The following PITPNM2 variants were observed in gnomAD, a reference collection of about 807,000 sequenced individuals.
PITPNM2 encodes the protein membrane-associated phosphatidylinositol transfer protein 2.
PITPNM2 carries 35 observed loss-of-function variants against 132.2 expected under a neutral mutation model. That is an observed-to-expected ratio of 0.26 (90% CI 0.20 to 0.35). The LOEUF is 0.35. Among genes scored for constraint, PITPNM2 ranks in the 10% least tolerant of loss-of-function variants. The pLI is 1.00. For missense variants in PITPNM2, 1,332 were observed against 1,912.0 expected (o/e 0.70, Z 5.66); for synonymous variants, 738 against 799.2 (o/e 0.92, Z 1.29).
At position 122,999,699 on chromosome 12, in the gene PITPNM2, T is replaced by C. The variant is rs950977009; in HGVS notation, c.1224+1079A>G. On this transcript the variant is annotated intron_variant, in intron 10 of 25. Transcript: ENST00000320201. ...ACACCTGGCCTGCCCTGGGCTCTAGTTGGGGCTGAGCCCCCTGCAGCTGTA... is the reference window on the plus strand; with the variant it reads ...ACACCTGGCCTGCCCTGGGCTCTAGCTGGGGCTGAGCCCCCTGCAGCTGTA... 6.6e-5 allele frequency among the ~76,000 whole-genome samples: 10 copies of C among 152,288 alleles called. No individual in the cohort carries two copies. The East Asian group carries it at 1.9e-3, about 29-fold the overall frequency.
rs1394461710 is a variant in PITPNM2 at position 123,083,277 on chromosome 12, C to G, written c.-96+27108G>C. 3 of 152,254 alleles carry G rather than the reference C, an allele frequency of 2.0e-5. No homozygotes were observed. The highest frequency in any genetic ancestry group is 2.9e-5 in the Non-Finnish European group (2 of 68,050). The allele number at this position is 152,254 out of a possible 1,614,324, so 9.4% of individuals were successfully genotyped here. On this transcript the variant is annotated intron_variant, in intron 2 of 25. Transcript: ENST00000320201. The surrounding 1 kb of genome is among the most constrained non-coding windows in gnomAD (Gnocchi z 4.5). ...GGCAGGGATGTTGGTTGGCTGTATC[C>G]TCGGGCTGGAAGAGCACTGGCACGC... is the stretch of plus-strand genomic sequence containing the variant.
At chr12:123,020,565 G>A (rs2039625983) in intron 3 of PITPNM2, among the ~76,000 whole-genome samples, 1 of 152,228 alleles carries the variant, frequency 6.6e-6, no homozygotes, top group South Asian at 2.1e-4. Flanking sequence ...GCCCACAGGG[G>A]TGTTCTTTCC....
Position 123,000,200 on chromosome 12 carries a change from T to C in PITPNM2, c.1224+578A>G. 3.4e-6 allele frequency: 2 copies of C among 588,756 alleles called. No individual in the cohort carries two copies. The highest frequency in any genetic ancestry group is 4.2e-5 in the South Asian group (2 of 47,866). The allele number at this position is 588,756 out of a possible 1,614,324, so 36.5% of individuals were successfully genotyped here. ...GCAGGTGATGGTGGGACAGCCCAGC[T>C]CAGCCCTGGCTCCTGTCCCAGTGCA... On this transcript the variant is annotated intron_variant, in intron 10 of 25. Transcript: ENST00000320201. This position sits in a 1 kb window ranked among gnomAD's most constrained non-coding sequence, Gnocchi z 5.4.
chr12:123,066,659 A>G (rs575235491), intron 2 of PITPNM2, among the ~76,000 whole-genome samples: 2 of 152,320 alleles, frequency 1.3e-5, no homozygotes, highest in South Asian at 4.1e-4. Context: ...GAAAGTTCCT[A>G]TACTGAACAG....
Position 123,004,386 on chromosome 12 carries a change from C to T in PITPNM2, c.1048+8G>A, listed in dbSNP as rs139458755. 330 of 1,613,734 alleles carry T rather than the reference C, an allele frequency of 2.0e-4. 2 individuals carry two copies. In the African/African-American group the frequency reaches 4.1e-3, roughly 20 times the overall value. On this transcript the variant is annotated splice_region_variant and intron_variant, in intron 8 of 25. Coordinates refer to ENST00000320201, the MANE Select transcript of PITPNM2 (RefSeq NM_020845.3). The surrounding 1 kb of genome is among the most constrained non-coding windows in gnomAD (Gnocchi z 4.9). ...GGCCCCAAGGACTGCAGAGCGCTGC[C>T]TGCCTACCGTGCGCATCGAAGAACT...
chr12:123,048,911 A>T (rs2136627024), intron 2 of PITPNM2, among the ~76,000 whole-genome samples: 1 of 152,200 alleles, frequency 6.6e-6, no homozygotes, highest in East Asian at 1.9e-4. Flanking sequence ...AGACAGGAGG[A>T]TCACTGGAGA....
intron 2 of PITPNM2, among the ~76,000 whole-genome samples, chr12:123,038,179 G>A (rs2040342013): frequency 6.6e-6 from 1 of 152,254 alleles, no homozygotes; most frequent in Admixed American, 6.5e-5. Flanking sequence ...CCGTGTTTCT[G>A]CCCACAAGGA....
chr12:123,064,824 G>C lies in PITPNM2; in HGVS notation c.-95-30139C>G, dbSNP rs2041361413. On this transcript the variant is annotated intron_variant, in intron 2 of 25. Transcript: ENST00000320201. This position sits in a 1 kb window ranked among gnomAD's most constrained non-coding sequence, Gnocchi z 4.0. Reference sequence around the variant, plus strand: ...GACACAGGGAGTGACTAGCTCTGGGGCCAGACCACGTTCACATTCAAGCCT... The same window carrying C: ...GACACAGGGAGTGACTAGCTCTGGGCCCAGACCACGTTCACATTCAAGCCT... 6.6e-6 allele frequency among the ~76,000 whole-genome samples: 1 copy of C among 152,208 alleles called. No homozygotes were observed. Among genetic ancestry groups the C allele is most frequent in the South Asian group, 2.1e-4 (1 of 4,836 alleles).
At chr12:123,063,290 C>T (rs1314358042) in intron 2 of PITPNM2, among the ~76,000 whole-genome samples, 1 of 152,226 alleles carries the variant, frequency 6.6e-6, no homozygotes, top group Non-Finnish European at 1.5e-5. Context: ...CCAGCACTGC[C>T]ACTGCCCAGC....
intron 2 of PITPNM2, among the ~76,000 whole-genome samples, chr12:123,098,672 GA>G (rs2042473929): frequency 6.6e-6 from 1 of 152,130 alleles, no homozygotes; most frequent in African/African-American, 2.4e-5. Context: ...TATGCAAATG[GA>G]GAAGAGGAAG....
rs2043302444 is a variant in PITPNM2, at chr12:123,133,089, A to G, written c.-200+17664T>C. On this transcript the variant is annotated intron_variant, in intron 1 of 25. Coordinates refer to ENST00000320201, the MANE Select transcript of PITPNM2 (RefSeq NM_020845.3). ...ACCTAGAACTAGGTGTGGAACTACT[A>G]TGTCATATGGGAATTTTGTGTTTAA... is the stretch of plus-strand genomic sequence containing the variant. Among the ~76,000 whole-genome samples, 2 of 152,220 alleles carry G rather than the reference A, an allele frequency of 1.3e-5. 1 individual carries two copies. The highest frequency in any genetic ancestry group is 4.8e-5 in the African/African-American group (2 of 41,462).
At chr12:123,093,842 G>A (rs558937429) in intron 2 of PITPNM2, among the ~76,000 whole-genome samples, 9 of 152,234 alleles carry the variant, frequency 5.9e-5, no homozygotes, top group African/African-American at 1.7e-4. Context: ...TGAGGAACCT[G>A]GAGTCTATGG....
intron 3 of PITPNM2, among the ~76,000 whole-genome samples, chr12:123,026,763 G>C (rs1454902099): frequency 1.3e-5 from 2 of 152,248 alleles, no homozygotes; most frequent in African/African-American, 2.4e-5. Flanking sequence ...GCGGTCTAGG[G>C]AGGATGCCTC....
chr12:123,093,745 G>A (rs60167440), intron 2 of PITPNM2, among the ~76,000 whole-genome samples: 7,485 of 152,318 alleles, frequency 0.049, 615 homozygotes, highest in African/African-American at 0.17. Context: ...CAGCCCAGGA[G>A]AGACTGCTCT....
Position 123,031,258 on chromosome 12 carries a change from T to A in PITPNM2, c.78+3255A>T, listed in dbSNP as rs1345169480. ...GACCTGATAGCCTGAGCCCCGTCCA[T>A]GCAGACAGTAGGCAGGCCAGCGTTT... On this transcript the variant is annotated intron_variant, in intron 3 of 25. Transcript: ENST00000320201. The surrounding 1 kb of genome is among the most constrained non-coding windows in gnomAD (Gnocchi z 4.5). Among the ~76,000 whole-genome samples, 1 of 152,228 alleles carries A rather than the reference T, an allele frequency of 6.6e-6. No homozygotes were observed. The highest frequency in any genetic ancestry group is 1.5e-5 in the Non-Finnish European group (1 of 68,038).
chr12:123,000,931 G>A lies in PITPNM2; in HGVS notation c.1154-83C>T, dbSNP rs1481759841. 2 of 1,564,308 alleles carry A rather than the reference G, an allele frequency of 1.3e-6. No homozygotes were observed. Among genetic ancestry groups the A allele is most frequent in the Non-Finnish European group, 8.8e-7 (1 of 1,136,064 alleles). On this transcript the variant is annotated intron_variant, in intron 9 of 25. Transcript: ENST00000320201. This position sits in a 1 kb window ranked among gnomAD's most constrained non-coding sequence, Gnocchi z 5.4. The stretch of plus-strand genomic sequence containing the variant: ...GACAGAGGCTGCAACTGTGACGAGG[G>A]GAGCTTGGGGGTCCCCAACTCACAT...
intron 1 of PITPNM2, among the ~76,000 whole-genome samples, chr12:123,131,695 C>T (rs543134439): frequency 2.0e-5 from 3 of 152,308 alleles, no homozygotes; most frequent in Admixed American, 1.3e-4. Context: ...CCAGCCACAC[C>T]TTCCACTGCC....
intron 3 of PITPNM2, chr12:123,021,567 G>C: frequency 1.3e-6 from 1 of 763,642 alleles, no homozygotes; most frequent in Non-Finnish European, 1.6e-6. Context: ...AAGCCTCTGT[G>C]CTCAGCCTGG....
chr12:122,999,307 A>G (rs909285835), intron 10 of PITPNM2, among the ~76,000 whole-genome samples: 3 of 152,080 alleles, frequency 2.0e-5, no homozygotes, highest in Non-Finnish European at 2.9e-5. Flanking sequence ...TTGTCTTCAC[A>G]TGGGGATTAG....
Sources: gnomAD v4.1 joint callset for allele counts (sites outside exome capture counted in the v4.1 genomes callset) on GRCh38, gnomAD v4.1.1 for gene constraint, Gnocchi (gnomAD v3.1) non-coding constraint, MANE v1.5 for transcripts, NCBI Gene and HGNC (gene_info 2026-07-23, HGNC 2026-07-21) for gene names.